MFN1: variants seen among roughly 807,000 people sequenced by gnomAD.
The protein encoded by MFN1 is mitofusin-1.
MFN1 carries 65 observed loss-of-function variants against 92.4 expected under a neutral mutation model. The ratio of observed to expected loss-of-function variants is 0.70; its 90% CI spans 0.58 to 0.86. MFN1 has a LOEUF of 0.86. MFN1 is among the 40% of genes least tolerant of loss of function. MFN1 has a pLI of 0.00. For missense variants in MFN1, 781 were observed against 868.0 expected (o/e 0.90, Z 1.26); for synonymous variants, 297 against 300.9 (o/e 0.99, Z 0.13).
chr3:179,363,465 G>A (rs1201996358), intron 5 of MFN1, among the ~76,000 whole-genome samples: 1 of 152,044 alleles, frequency 6.6e-6, no homozygotes, highest in African/African-American at 2.4e-5. Context: ...ATAAATGCTT[G>A]AGGTGATAGA....
At chr3:179,367,880 G>A (rs992004104) in intron 8 of MFN1, among the ~76,000 whole-genome samples, 156 bp from the exon 9 acceptor site, 9 of 150,950 alleles carry the variant, frequency 6.0e-5, no homozygotes, top group South Asian at 2.1e-4. Flanking sequence ...CCAAGATTGC[G>A]CCATTGCACT....
intron 9 of MFN1, among the ~76,000 whole-genome samples, chr3:179,368,996 G>A (rs150829039): frequency 0.023 from 3,548 of 152,168 alleles, 151 homozygotes; most frequent in African/African-American, 0.081. Context: ...TTTGGTGAGA[G>A]AAAAAAGGTT....
rs372644598 is a variant in MFN1, at chr3:179,359,013, T to C, written c.411+11T>C. The C allele has an allele frequency of 7.8e-5, 125 of 1,609,522 alleles. No individual in the cohort carries two copies. Among genetic ancestry groups the C allele is most frequent in the Non-Finnish European group, 7.6e-5 (90 of 1,177,848 alleles). On this transcript the variant is annotated intron_variant, in intron 4 of 17. Transcript: ENST00000471841. ...AAAAAGAGTGTGAAGGTATGATCTT[T>C]AACCTTTAGCAGAATAATATACCTG...
At chr3:179,389,670 G>T (rs1713826362) in intron 16 of MFN1, among the ~76,000 whole-genome samples, 1 of 152,084 alleles carries the variant, frequency 6.6e-6, no homozygotes. Flanking sequence ...AAAAGTGCAT[G>T]GAATTTTTTT....
At chr3:179,386,353 A>C in intron 15 of MFN1, 80 bp from the exon 16 acceptor site, 2 of 1,104,574 alleles carry the variant, frequency 1.8e-6, no homozygotes, top group South Asian at 2.8e-5. Context: ...AAAGATCCAT[A>C]GGGAACTAAA....
At chr3:179,372,052 T>TA (rs1294184822) in intron 9 of MFN1, among the ~76,000 whole-genome samples, 6 of 146,994 alleles carry the variant, frequency 4.1e-5, no homozygotes, top group African/African-American at 1.5e-4. Context: ...ATTATATATA[T>TA]TTATTATATA....
rs751420683 is a variant in MFN1 at position 179,367,518 on chromosome 3, A to G, written c.833A>G (p.Asn278Ser). The change falls in exon 8 of 18, where the codon AAT (asparagine) becomes AGT (serine). Residue 278 changes from asparagine (N) to serine (S), a missense_variant. Asn to Ser is a conservative substitution (Grantham distance 46, BLOSUM62 1). Transcript: ENST00000471841. ...LKVVNALEAQ[N>S]RIFFVSAKEV... The stretch of plus-strand genomic sequence containing the variant: ...GTTGTAAATGCTTTAGAAGCACAGA[A>G]TCGTATCTTCTTTGTTTCAGCAAAG... 3.7e-5 allele frequency: 60 copies of G among 1,613,750 alleles called. No individual in the cohort carries two copies. The highest frequency in any genetic ancestry group is 6.7e-5 in the Admixed American group (4 of 59,974).
intron 10 of MFN1, 24 bp downstream of exon 10, chr3:179,375,365 A>G: frequency 6.2e-7 from 1 of 1,607,362 alleles, no homozygotes; most frequent in Non-Finnish European, 8.5e-7. Context: ...TTGTTGCAAC[A>G]TAAAAATGTT....
intron 14 of MFN1, among the ~76,000 whole-genome samples, chr3:179,384,971 T>C (rs1227773793): frequency 2.1e-5 from 3 of 141,218 alleles, no homozygotes; most frequent in African/African-American, 7.7e-5. Flanking sequence ...AGTGGTGCAA[T>C]CTCGGCTCAC....
At chr3:179,363,406 A>G (rs1168565308) in intron 5 of MFN1, among the ~76,000 whole-genome samples, 9 of 152,182 alleles carry the variant, frequency 5.9e-5, no homozygotes, top group Admixed American at 5.9e-4. Context: ...TTAATTGTAC[A>G]TTTAAAAATA....
intron 5 of MFN1, 86 bp from the exon 6 acceptor site, chr3:179,364,210 CA>C: frequency 1.2e-6 from 1 of 826,716 alleles, no homozygotes; most frequent in Non-Finnish European, 1.8e-6. Flanking sequence ...TTTTAAACTT[CA>C]AATTATATAT....
chr3:179,385,155 C>T (rs1713627753), intron 14 of MFN1, among the ~76,000 whole-genome samples: 1 of 151,498 alleles, frequency 6.6e-6, no homozygotes, highest in Non-Finnish European at 1.5e-5. Context: ...CCTCGAGATC[C>T]ATCCACCTCG....
At chr3:179,369,473 T>C (rs908202777) in intron 9 of MFN1, among the ~76,000 whole-genome samples, 1 of 152,246 alleles carries the variant, frequency 6.6e-6, no homozygotes, top group Non-Finnish European at 1.5e-5. Flanking sequence ...TTCTAAATTA[T>C]ACATTTATAT....
rs753145517 is a variant in MFN1 at position 179,378,467 on chromosome 3, A to C, written c.1432+24A>C. 2.9e-5 allele frequency: 45 copies of C among 1,567,434 alleles called. No homozygotes were observed. The Middle Eastern group carries it at 6.8e-4, about 24-fold the overall frequency. On this transcript the variant is annotated intron_variant, in intron 13 of 17. Coordinates refer to ENST00000471841, the MANE Select transcript of MFN1 (RefSeq NM_033540.3). ...TGGTAATATTTATGTCTACAAGGTC[A>C]TGTCTGGTTTGTTTTTTCATTCATG...
At chr3:179,349,528 A>G (rs1353344936) in intron 2 of MFN1, among the ~76,000 whole-genome samples, 2 of 140,992 alleles carry the variant, frequency 1.4e-5, no homozygotes, top group African/African-American at 2.6e-5. Flanking sequence ...TTTTTTTTTG[A>G]GACAGAGTCT....
At chr3:179,373,774 C>T (rs986013582) in intron 9 of MFN1, among the ~76,000 whole-genome samples, 3 of 151,886 alleles carry the variant, frequency 2.0e-5, no homozygotes, top group African/African-American at 7.2e-5. Context: ...TCCGGGTTCT[C>T]GCCATTCTCC....
chr3:179,362,234 T>C, intron 4 of MFN1, 124 bp from the exon 5 acceptor site: 1 of 1,002,152 alleles, frequency 1.0e-6, no homozygotes, highest in Middle Eastern at 3.5e-4. Flanking sequence ...GCTCAGAAGG[T>C]TTTATTTCAG....
At chr3:179,358,055 A>G (rs1374735894) in intron 3 of MFN1, among the ~76,000 whole-genome samples, 2 of 151,968 alleles carry the variant, frequency 1.3e-5, no homozygotes, top group Admixed American at 1.3e-4. Flanking sequence ...TTACATGGCA[A>G]GGCTCCAAGT....
Position 179,393,152 on chromosome 3 carries a change from T to C in MFN1, c.*1093T>C, listed in dbSNP as rs1048414840. On this transcript the variant is annotated 3_prime_UTR_variant, in exon 18 of 18. Coordinates refer to ENST00000471841, the MANE Select transcript of MFN1 (RefSeq NM_033540.3). ...AATATAACATTTACAAAATTCTTCC[T>C]TGAGCTGGTGGAAATGCCTCACCAG... 3.3e-5 allele frequency: 5 copies of C among 152,218 alleles called. No homozygotes were observed. The highest frequency in any genetic ancestry group is 1.2e-4 in the African/African-American group (5 of 41,450). The allele number at this position is 152,218 out of a possible 1,614,324, so 9.4% of individuals were successfully genotyped here.
Sources: gnomAD v4.1 joint callset for allele counts (sites outside exome capture counted in the v4.1 genomes callset) on GRCh38, gnomAD v4.1.1 for gene constraint, MANE v1.5 for transcripts, NCBI Gene and HGNC (gene_info 2026-07-23, HGNC 2026-07-21) for gene names.